CFTR: variants seen among roughly 807,000 people sequenced by gnomAD.
CFTR encodes the protein cystic fibrosis transmembrane conductance regulator.
Under a neutral mutation model 171.6 loss-of-function variants are expected in CFTR, and 181 were observed. The ratio of observed to expected loss-of-function variants is 1.05; its 90% CI spans 0.93 to 1.19. The LOEUF is 1.19. Ranked by LOEUF, CFTR falls within the 50% of genes most tolerant of loss-of-function variation. CFTR has a pLI of 0.00. For synonymous variants in CFTR, 583 were observed against 608.0 expected (o/e 0.96, Z 0.60); for missense variants, 1,968 against 1,734.7 (o/e 1.13, Z -2.39).
intron 1 of CFTR, among the ~76,000 whole-genome samples, chr7:117,491,500 G>T (rs1798159404): frequency 6.6e-6 from 1 of 152,030 alleles, no homozygotes; most frequent in Non-Finnish European, 1.5e-5. Context: ...AGATCAAGGT[G>T]TTGGCAGGTT....
intron 24 of CFTR, among the ~76,000 whole-genome samples, chr7:117,656,119 T>C (rs1451237773): frequency 6.6e-6 from 1 of 152,092 alleles, no homozygotes; most frequent in Non-Finnish European, 1.5e-5. Context: ...TTTGCGTCAA[T>C]GAAACATGAA....
chr7:117,665,189 A>G (rs1180078219), intron 25 of CFTR, among the ~76,000 whole-genome samples: 2 of 152,232 alleles, frequency 1.3e-5, no homozygotes, highest in Non-Finnish European at 2.9e-5. Flanking sequence ...ATAGCCCCAA[A>G]TAAAGAAGTA....
intron 1 of CFTR, among the ~76,000 whole-genome samples, chr7:117,488,689 A>C (rs1179646126): frequency 6.6e-6 from 1 of 152,140 alleles, no homozygotes; most frequent in Non-Finnish European, 1.5e-5. Context: ...TACAAATAGC[A>C]GTGACAATAA....
At chr7:117,570,421 T>G (rs1295632927) in intron 11 of CFTR, among the ~76,000 whole-genome samples, 1 of 152,180 alleles carries the variant, frequency 6.6e-6, no homozygotes, top group Non-Finnish European at 1.5e-5. Context: ...CCGCAGTTGC[T>G]TTTCTTTATG....
At chr7:117,515,345 G>A (rs1268101932) in intron 3 of CFTR, among the ~76,000 whole-genome samples, 1 of 152,124 alleles carries the variant, frequency 6.6e-6, no homozygotes, top group African/African-American at 2.4e-5. Flanking sequence ...TAAGGAAGGG[G>A]TCCAGTTTCA....
chr7:117,572,625 G>A (rs1176086669), intron 11 of CFTR, among the ~76,000 whole-genome samples: 2 of 151,670 alleles, frequency 1.3e-5, no homozygotes, highest in East Asian at 1.9e-4. Flanking sequence ...GCTCTCTTAC[G>A]TTCTCTCACA....
At chr7:117,591,372 T>C (rs1792021368) in intron 13 of CFTR, among the ~76,000 whole-genome samples, 1 of 152,082 alleles carries the variant, frequency 6.6e-6, no homozygotes, top group Admixed American at 6.5e-5. Context: ...ACTTCTAGAA[T>C]AGATTAAAAT....
intron 3 of CFTR, among the ~76,000 whole-genome samples, chr7:117,512,783 T>A (rs1320373630): frequency 6.6e-6 from 1 of 152,080 alleles, no homozygotes; most frequent in Non-Finnish European, 1.5e-5. Context: ...GATTATACAA[T>A]GCATTTATTA....
chr7:117,530,430 G>T (rs1405090051), intron 3 of CFTR, among the ~76,000 whole-genome samples: 23 of 152,066 alleles, frequency 1.5e-4, no homozygotes, highest in Admixed American at 1.5e-3. Flanking sequence ...CAGGTCACTT[G>T]GTCTGTGTGG....
intron 1 of CFTR, among the ~76,000 whole-genome samples, chr7:117,500,278 CTTTTTTTTTT>C (rs745627454): frequency 3.9e-5 from 3 of 76,452 alleles, no homozygotes; most frequent in African/African-American, 1.5e-4. Flanking sequence ...TTCTTCCTTT[CTTTTTTTTTT>C]TTTTTTTTTT....
chr7:117,530,070 T>C (rs1475329281), intron 3 of CFTR, among the ~76,000 whole-genome samples: 2 of 152,158 alleles, frequency 1.3e-5, no homozygotes, highest in Non-Finnish European at 2.9e-5. Context: ...ATAAATTCGA[T>C]GGACAATTTG....
intron 23 of CFTR, among the ~76,000 whole-genome samples, chr7:117,649,432 CTACA>C (rs1793050260): frequency 7.3e-6 from 1 of 137,128 alleles, no homozygotes; most frequent in Admixed American, 7.4e-5. Context: ...GTATATATAC[CTACA>C]TACATATGTA....
At position 117,642,594 on chromosome 7, in the gene CFTR, G is replaced by A. The variant is rs143570767; in HGVS notation, c.3873+1G>A. Reference sequence around the variant, plus strand: ...GAAAGCCTTTGGAGTGATACCACAGGTGAGCAAAAGGACTTAGCCAGAAAA... The same window carrying A: ...GAAAGCCTTTGGAGTGATACCACAGATGAGCAAAAGGACTTAGCCAGAAAA... On this transcript the variant is annotated splice_donor_variant, in intron 23 of 26. Coordinates refer to ENST00000003084, the MANE Select transcript of CFTR (RefSeq NM_000492.4). LOFTEE classifies it high-confidence loss of function. The A allele has an allele frequency of 1.9e-6, 3 of 1,613,182 alleles. No individual in the cohort carries two copies. The highest frequency in any genetic ancestry group is 1.7e-5 in the Admixed American group (1 of 59,920).
chr7:117,612,015 A>G (rs952983572), intron 20 of CFTR, among the ~76,000 whole-genome samples: 5 of 44,672 alleles, frequency 1.1e-4, no homozygotes, highest in South Asian at 1.4e-3. Context: ...GGATATATAT[A>G]TATATATGTA....
chr7:117,577,918 A>G (rs574600521), intron 11 of CFTR, among the ~76,000 whole-genome samples: 1 of 152,266 alleles, frequency 6.6e-6, no homozygotes, highest in South Asian at 2.1e-4. Context: ...GAAAATAATC[A>G]TCCCCTTTTA....
chr7:117,558,859 C>G (rs1428435075), intron 10 of CFTR, among the ~76,000 whole-genome samples: 1 of 152,028 alleles, frequency 6.6e-6, no homozygotes, highest in Non-Finnish European at 1.5e-5. Flanking sequence ...GGACATATAA[C>G]ATATTTAAAC....
Position 117,592,024 on chromosome 7 carries a change from G to T in CFTR, c.1857G>T (p.Leu619Phe). ...HLKKADKILI[L>F]HEGSSYFYGT... is the part of the protein sequence containing the mutation. ...AGAAAGCTGACAAAATATTAATTTT[G>T]CATGAAGGTAGCAGCTATTTTTATG... is the stretch of plus-strand genomic sequence containing the variant. Residue 619 changes from leucine (L) to phenylalanine (F), a missense_variant, in exon 14 of 27, where the codon TTG becomes TTT. Leu to Phe is a conservative substitution (Grantham distance 22). Coordinates refer to ENST00000003084, the MANE Select transcript of CFTR (RefSeq NM_000492.4). 1 of 1,594,922 alleles carries T rather than the reference G, an allele frequency of 6.3e-7. No homozygotes were observed. The highest frequency in any genetic ancestry group is 8.5e-7 in the Non-Finnish European group (1 of 1,174,582).
At chr7:117,522,174 A>G (rs577649840) in intron 3 of CFTR, among the ~76,000 whole-genome samples, 1 of 152,324 alleles carries the variant, frequency 6.6e-6, no homozygotes, top group South Asian at 2.1e-4. Context: ...TGATCTTCTG[A>G]ACTCATACTG....
Position 117,592,733 on chromosome 7 carries a change from A to G in CFTR, c.2490+76A>G. The G allele has an allele frequency of 3.2e-6, 4 of 1,254,822 alleles. No individual in the cohort carries two copies. The South Asian group carries it at 1.0e-4, about 32-fold the overall frequency. The allele number at this position is 1,254,822 out of a possible 1,614,324, so 77.7% of individuals were successfully genotyped here. ...AGAATGCAATATGTAGCATGTAACA[A>G]AATTTACTAAAATCATAGGATTAGG... On this transcript the variant is annotated intron_variant, in intron 14 of 26. Transcript: ENST00000003084.
Sources: allele counts gnomAD v4.1 joint callset (sites outside exome capture counted in the v4.1 genomes callset), GRCh38; gene constraint gnomAD v4.1.1; transcripts MANE v1.5; gene names NCBI Gene and HGNC (gene_info 2026-07-23, HGNC 2026-07-21).